The following SPAG9 variants were observed in gnomAD, a reference collection of about 807,000 sequenced individuals.
SPAG9 encodes the protein C-Jun-amino-terminal kinase-interacting protein 4.
Under a neutral mutation model 166.5 loss-of-function variants are expected in SPAG9, and 35 were observed. The ratio of observed to expected loss-of-function variants is 0.21; its 90% CI spans 0.16 to 0.28. SPAG9 has a LOEUF of 0.28. Ranked by LOEUF, SPAG9 falls within the 10% of genes least tolerant of loss-of-function variation. The probability of loss-of-function intolerance (pLI) is 1.00; values close to 1 mark genes in which losing one functional copy is unlikely to be tolerated. For synonymous variants in SPAG9, 534 were observed against 565.5 expected (o/e 0.94, Z 0.79); for missense variants, 1,235 against 1,603.3 (o/e 0.77, Z 3.92).
At chr17:51,012,475 C>T (rs555218752) in intron 9 of SPAG9, among the ~76,000 whole-genome samples, 1 of 151,522 alleles carries the variant, frequency 6.6e-6, no homozygotes, top group East Asian at 2.0e-4. Flanking sequence ...GAGGCTGAGG[C>T]AGGAGAATCA....
At chr17:50,994,051 G>A in intron 18 of SPAG9, 116 bp from the exon 19 acceptor site, 1 of 1,024,916 alleles carries the variant, frequency 9.8e-7, no homozygotes, top group East Asian at 2.6e-5. Context: ...AGATTATTTG[G>A]AAGGGTAAAA....
chr17:50,999,488 C>T, intron 14 of SPAG9, 173 bp downstream of exon 14: 3 of 1,477,766 alleles, frequency 2.0e-6, no homozygotes, highest in Non-Finnish European at 2.7e-6. Context: ...AGTTGGCACA[C>T]TATATATTAA....
chr17:51,087,618 T>C (rs1032059373), intron 1 of SPAG9, among the ~76,000 whole-genome samples: 1 of 152,366 alleles, frequency 6.6e-6, no homozygotes, highest in South Asian at 2.1e-4. Context: ...GCTTCCCTTC[T>C]ACATTCAGAG....
intron 1 of SPAG9, among the ~76,000 whole-genome samples, chr17:51,115,416 CT>C (rs71355714): frequency 0.19 from 27,163 of 142,906 alleles, 2,777 homozygotes; most frequent in Non-Finnish European, 0.25. Flanking sequence ...TGAACTCATC[CT>C]TTTTTTTTTT....
At chr17:51,095,707 T>A (rs1471809166) in intron 1 of SPAG9, among the ~76,000 whole-genome samples, 1 of 138,150 alleles carries the variant, frequency 7.2e-6, no homozygotes, top group East Asian at 2.0e-4. Flanking sequence ...TAGTGATATA[T>A]ATAGTGATAT....
At chr17:51,079,816 C>A in intron 1 of SPAG9, 112 bp from the exon 2 acceptor site, 1 of 670,096 alleles carries the variant, frequency 1.5e-6, no homozygotes, top group Non-Finnish European at 2.4e-6. Flanking sequence ...ACTTAGATCT[C>A]AGAATTATGA....
chr17:51,060,090 CCA>C (rs1363172931), intron 2 of SPAG9, among the ~76,000 whole-genome samples: 9 of 152,084 alleles, frequency 5.9e-5, no homozygotes, highest in Non-Finnish European at 1.3e-4. Flanking sequence ...CTTCCCATCC[CCA>C]CAGAGAACTC....
intron 25 of SPAG9, among the ~76,000 whole-genome samples, chr17:50,982,291 T>C (rs970540361): frequency 4.8e-4 from 73 of 152,202 alleles, no homozygotes; most frequent in African/African-American, 1.6e-3. Flanking sequence ...CATTTAAACA[T>C]TCACGTATGA....
intron 1 of SPAG9, among the ~76,000 whole-genome samples, chr17:51,082,393 A>G (rs980226990): frequency 1.3e-5 from 2 of 151,246 alleles, no homozygotes; most frequent in Admixed American, 1.3e-4. Context: ...AAAAAAAAAA[A>G]AAAAAAAAAA....
At chr17:51,111,745 G>T (rs1336587758) in intron 1 of SPAG9, among the ~76,000 whole-genome samples, 1 of 152,086 alleles carries the variant, frequency 6.6e-6, no homozygotes. Context: ...TTGGATTACA[G>T]GCGTCCGCCA....
rs527700739 is a variant in SPAG9, at chr17:51,027,908, T to C, written c.783+3773A>G. On this transcript the variant is annotated intron_variant, in intron 6 of 29. Transcript: ENST00000262013. ...ACTCTAGAAGAAGGCACTGTCATCA[T>C]AGGAGGTGATAGCTCCATGTGTGTC... 2.8e-4 allele frequency among the ~76,000 whole-genome samples: 43 copies of C among 152,300 alleles called. No individual in the cohort carries two copies. In the South Asian group the frequency reaches 7.9e-3, roughly 28 times the overall value.
intron 2 of SPAG9, among the ~76,000 whole-genome samples, chr17:51,077,037 G>GCTAGCTAT (rs2048014708): frequency 9.2e-6 from 1 of 108,558 alleles, no homozygotes; most frequent in Non-Finnish European, 2.1e-5. Flanking sequence ...TATCTATCTA[G>GCTAGCTAT]CTATCTAGCT....
At chr17:51,119,964 G>A (rs2049423802) in intron 1 of SPAG9, among the ~76,000 whole-genome samples, 1 of 152,222 alleles carries the variant, frequency 6.6e-6, no homozygotes, top group Non-Finnish European at 1.5e-5. Context: ...GGGCAGAAGT[G>A]TCCCCCTCCC....
Position 50,996,558 on chromosome 17 carries a change from A to C in SPAG9, c.1968+7T>G. The C allele has an allele frequency of 6.2e-7, 1 of 1,614,048 alleles. No homozygotes were observed. The highest frequency in any genetic ancestry group is 8.5e-7 in the Non-Finnish European group (1 of 1,179,992). On this transcript the variant is annotated splice_region_variant and intron_variant, in intron 16 of 29. Coordinates refer to ENST00000262013, the MANE Select transcript of SPAG9 (RefSeq NM_001130528.3). ...TGCTGGATGCTCTTACCACATGTGC[A>C]TATTACCTGTTTGTACTTCTGAGGC...
intron 4 of SPAG9, chr17:51,046,414 A>T: frequency 1.1e-6 from 1 of 908,014 alleles, no homozygotes; most frequent in Non-Finnish European, 1.6e-6. Flanking sequence ...TCAATCTGCA[A>T]CAGAAATTGT....
chr17:51,031,780 A>G (rs1253982079), intron 5 of SPAG9, 58 bp from the exon 6 acceptor site: 2 of 1,264,246 alleles, frequency 1.6e-6, no homozygotes, highest in Admixed American at 2.0e-5. Flanking sequence ...AGGTTTTAAC[A>G]CAGCTGTAAC....
intron 25 of SPAG9, 118 bp from the exon 26 acceptor site, chr17:50,980,035 T>A: frequency 1.2e-6 from 1 of 820,102 alleles, no homozygotes; most frequent in Non-Finnish European, 1.9e-6. Context: ...TATTATATAT[T>A]AAACATGATT....
intron 6 of SPAG9, among the ~76,000 whole-genome samples, chr17:51,024,034 G>A (rs1343169544): frequency 1.3e-5 from 2 of 152,168 alleles, no homozygotes; most frequent in African/African-American, 2.4e-5. Flanking sequence ...GGTGGCTCAC[G>A]CCTGAAATCC....
At chr17:51,085,337 G>T (rs2048278167) in intron 1 of SPAG9, 1 of 152,208 alleles carries the variant, frequency 6.6e-6, no homozygotes, top group Non-Finnish European at 1.5e-5. Context: ...CATCTGCTTT[G>T]TTGCTTAGCG....
Sources: gnomAD v4.1 joint callset for allele counts (sites outside exome capture counted in the v4.1 genomes callset) on GRCh38, gnomAD v4.1.1 for gene constraint, MANE v1.5 for transcripts, NCBI Gene and HGNC (gene_info 2026-07-23, HGNC 2026-07-21) for gene names.